BICD1: variants seen among roughly 807,000 people sequenced by gnomAD.
BICD1 encodes BICD cargo adaptor 1.
Under a neutral mutation model 92.5 loss-of-function variants are expected in BICD1, and 35 were observed. The ratio of observed to expected loss-of-function variants is 0.38; its 90% CI spans 0.29 to 0.50. The LOEUF is 0.50. Among genes scored for constraint, BICD1 ranks in the 20% least tolerant of loss-of-function variants. The pLI is 0.93. For missense variants in BICD1, 950 were observed against 1,189.8 expected (o/e 0.80, Z 2.97); for synonymous variants, 429 against 465.1 (o/e 0.92, Z 1.00).
chr12:32,354,637 A>G (rs1459059438), intron 8 of BICD1, among the ~76,000 whole-genome samples: 1 of 152,188 alleles, frequency 6.6e-6, no homozygotes, highest in African/African-American at 2.4e-5. Context: ...AGAATAACTG[A>G]TGTTTTAACA....
At position 32,337,812 on chromosome 12, in the gene BICD1, A is replaced by G; in HGVS notation, c.2566A>G (p.Lys856Glu). ...TCGGGTCAGCAGTGGCACTCAGAGGAAAAGGTATGCATGCAGCGATCTTCA... is the reference window on the plus strand; with the variant it reads ...TCGGGTCAGCAGTGGCACTCAGAGGGAAAGGTATGCATGCAGCGATCTTCA... ...NIRVSSGTQR[K>E]RQFSPSLCDQ... The change falls in exon 7 of 10, where the codon AAA becomes GAA. Residue 856 changes from lysine (K) to glutamate (E), a missense_variant. Lys to Glu is a moderately conservative substitution (Grantham distance 56, BLOSUM62 1). Around this residue, in one of 5 missense-constraint regions of BICD1, gnomAD observed 179 missense variants for 186.7 expected, o/e 0.96. Transcript: ENST00000652176. This position sits in a 1 kb window ranked among gnomAD's most constrained non-coding sequence, Gnocchi z 4.7. The G allele has an allele frequency of 6.2e-7, 1 of 1,613,996 alleles. No homozygotes were observed. Among genetic ancestry groups the G allele is most frequent in the Non-Finnish European group, 8.5e-7 (1 of 1,179,884 alleles).
chr12:32,362,429 G>A (rs569114881), intron 8 of BICD1, among the ~76,000 whole-genome samples: 9 of 152,294 alleles, frequency 5.9e-5, no homozygotes, highest in Admixed American at 4.6e-4. Context: ...ATAGAAGCCC[G>A]AGAGAAAGCC....
At position 32,176,535 on chromosome 12, in the gene BICD1, G is replaced by A. The variant is rs143242544; in HGVS notation, c.214-39712G>A. Among the ~76,000 whole-genome samples the A allele has an allele frequency of 8.8e-3, 1,339 of 152,220 alleles. 9 individuals are homozygous for A. Among genetic ancestry groups the A allele is most frequent in the Non-Finnish European group, 0.015 (1,022 of 68,002 alleles). On this transcript the variant is annotated intron_variant, in intron 1 of 9. Transcript: ENST00000652176. ...GCGTCAATCAAGATACGAAACATTTGCATCATTCTAGAAAGTCCCTTGTTC... is the reference window on the plus strand; with the variant it reads ...GCGTCAATCAAGATACGAAACATTTACATCATTCTAGAAAGTCCCTTGTTC...
rs200462648 is a variant in BICD1 at position 32,120,895 on chromosome 12, G to A, written c.213+13351G>A. On this transcript the variant is annotated intron_variant, in intron 1 of 9. Transcript: ENST00000652176. The stretch of plus-strand genomic sequence containing the variant: ...AGAGAGAGAGAGAGAGAGAGAGAGA[G>A]AAAAAAAAAAGGAAAAAATATAATG... Among the ~76,000 whole-genome samples, 214 of 24,720 alleles carry A rather than the reference G, an allele frequency of 8.7e-3. 1 individual carries two copies. The highest frequency in any genetic ancestry group is 0.019 in the South Asian group (12 of 636). The allele number at this position is 24,720 out of a possible 152,430, so 16.2% of individuals were successfully genotyped here.
intron 8 of BICD1, among the ~76,000 whole-genome samples, chr12:32,367,150 T>C (rs1939554871): frequency 6.6e-6 from 1 of 152,222 alleles, no homozygotes; most frequent in Non-Finnish European, 1.5e-5. Flanking sequence ...GTAAAGATTA[T>C]TTCCTTGTTT....
chr12:32,355,765 G>A (rs1385652050), intron 8 of BICD1, among the ~76,000 whole-genome samples: 3 of 151,668 alleles, frequency 2.0e-5, no homozygotes, highest in East Asian at 3.9e-4. Flanking sequence ...TGGAGATCAC[G>A]CCACTGCACT....
chr12:32,289,956 G>C (rs1029287122), intron 2 of BICD1, among the ~76,000 whole-genome samples: 2 of 152,122 alleles, frequency 1.3e-5, no homozygotes, highest in African/African-American at 2.4e-5. Flanking sequence ...TGCTTTAAGA[G>C]GTCAGCACTG....
At chr12:32,309,503 C>T (rs1030869627) in intron 4 of BICD1, among the ~76,000 whole-genome samples, 2 of 152,170 alleles carry the variant, frequency 1.3e-5, no homozygotes, top group Non-Finnish European at 2.9e-5. Flanking sequence ...TGCAGTGAAA[C>T]ATGAGTATTC....
Position 32,107,255 on chromosome 12 carries a change from C to T in BICD1, c.-77C>T, listed in dbSNP as rs201842043. On this transcript the variant is annotated 5_prime_UTR_variant, in exon 1 of 10. Coordinates refer to ENST00000652176, the MANE Select transcript of BICD1 (RefSeq NM_001714.4). ...CGTTTCCACCCATCCCTTCCCATTTCCTTCTCCCTTTCCCCGCCAGCTTCG... is the reference window on the plus strand; with the variant it reads ...CGTTTCCACCCATCCCTTCCCATTTTCTTCTCCCTTTCCCCGCCAGCTTCG... 188 of 1,334,390 alleles carry T rather than the reference C, an allele frequency of 1.4e-4. 1 individual carries two copies. In the Middle Eastern group the frequency reaches 6.1e-3, roughly 43 times the overall value. The allele number at this position is 1,334,390 out of a possible 1,614,324, so 82.7% of individuals were successfully genotyped here.
intron 2 of BICD1, among the ~76,000 whole-genome samples, chr12:32,246,580 G>A (rs186447950): frequency 2.6e-4 from 40 of 152,264 alleles, no homozygotes; most frequent in African/African-American, 9.6e-4. Context: ...TGAGGCTGCA[G>A]TGAGCTGTGA....
At chr12:32,366,449 G>C (rs1179567492) in intron 8 of BICD1, among the ~76,000 whole-genome samples, 1 of 152,150 alleles carries the variant, frequency 6.6e-6, no homozygotes, top group Admixed American at 6.6e-5. Flanking sequence ...GTGAAACCCT[G>C]TCTCTACTAA....
chr12:32,316,881 G>A (rs1405126012), intron 4 of BICD1, among the ~76,000 whole-genome samples: 4 of 152,082 alleles, frequency 2.6e-5, no homozygotes, highest in East Asian at 1.9e-4. Flanking sequence ...ACAGTCCCCG[G>A]TGTGTGATGT....
chr12:32,321,751 C>T (rs377230596), intron 4 of BICD1, among the ~76,000 whole-genome samples: 1 of 152,202 alleles, frequency 6.6e-6, no homozygotes, highest in Non-Finnish European at 1.5e-5. Flanking sequence ...GTAATCCCAG[C>T]ACTTTTGGAG....
intron 2 of BICD1, among the ~76,000 whole-genome samples, chr12:32,259,878 C>A (rs1010903204): frequency 2.0e-5 from 3 of 151,498 alleles, no homozygotes; most frequent in Non-Finnish European, 4.4e-5. Flanking sequence ...AGAAAACAAG[C>A]TGTGTGTCTG....
chr12:32,259,121 G>A (rs892743210), intron 2 of BICD1, among the ~76,000 whole-genome samples: 1 of 152,036 alleles, frequency 6.6e-6, no homozygotes, highest in African/African-American at 2.4e-5. Context: ...TTGCCTTCTT[G>A]GTCACTTCTC....
rs111318509 is a variant in BICD1, at chr12:32,186,330, A to G, written c.214-29917A>G. ...TCTACTATAAAAATATAAGTATATG[A>G]GTGAAGAACTGATTTTTGAATTTTG... On this transcript the variant is annotated intron_variant, in intron 1 of 9. Transcript: ENST00000652176. 3.4e-3 allele frequency among the ~76,000 whole-genome samples: 511 copies of G among 152,334 alleles called. 5 individuals are homozygous for G. The highest frequency in any genetic ancestry group is 0.012 in the African/African-American group (493 of 41,572).
chr12:32,265,547 GAAAA>G (rs11341415), intron 2 of BICD1, among the ~76,000 whole-genome samples: 2 of 125,708 alleles, frequency 1.6e-5, no homozygotes, highest in Non-Finnish European at 3.4e-5. Flanking sequence ...CGTTTCTACA[GAAAA>G]AAAAAAAAAA....
chr12:32,262,040 G>A (rs558343014), intron 2 of BICD1, among the ~76,000 whole-genome samples: 2 of 152,264 alleles, frequency 1.3e-5, no homozygotes, highest in South Asian at 2.1e-4. Context: ...ACTATTAAAC[G>A]TGACCCCATT....
At chr12:32,140,515 T>C (rs1942879815) in intron 1 of BICD1, among the ~76,000 whole-genome samples, 1 of 152,240 alleles carries the variant, frequency 6.6e-6, no homozygotes, top group Non-Finnish European at 1.5e-5. Flanking sequence ...GGAGTCTCGC[T>C]CTGTCGCCCA....
Sources: gnomAD v4.1 joint callset for allele counts (sites outside exome capture counted in the v4.1 genomes callset) on GRCh38, gnomAD v4.1.1 for gene constraint, gnomAD v4.1.1 regional missense constraint, Gnocchi (gnomAD v3.1) non-coding constraint, MANE v1.5 for transcripts, NCBI Gene and HGNC (gene_info 2026-07-23, HGNC 2026-07-21) for gene names.